Variants in VWCE observed in about 807,000 individuals in gnomAD.
The protein encoded by VWCE is von Willebrand factor C and EGF domains.
In VWCE, 68 loss-of-function variants were observed where a neutral mutation model predicts 102.9. The observed-to-expected ratio is 0.66, with a 90% CI of 0.54 to 0.81. The LOEUF (loss-of-function observed/expected upper bound fraction) is 0.81, where lower values mean the gene tolerates loss of function less well. Ranked by LOEUF, VWCE falls within the 30% of genes least tolerant of loss-of-function variation. The probability of loss-of-function intolerance (pLI) is 0.00; values close to 1 mark genes in which losing one functional copy is unlikely to be tolerated. For missense variants in VWCE, 1,137 were observed against 1,263.6 expected (o/e 0.90, Z 1.52); for synonymous variants, 497 against 515.4 (o/e 0.96, Z 0.48).
In VWCE at chr11:61,290,474, T is replaced by G. The variant is rs117115680; in HGVS notation, c.424+325A>C. Among the ~76,000 whole-genome samples, 495 of 149,696 alleles carry G rather than the reference T, an allele frequency of 3.3e-3. 1 individual carries two copies. Among genetic ancestry groups the G allele is most frequent in the Middle Eastern group, 0.014 (4 of 288 alleles). ...CTGCAGTGAGCTGAGACCATGCTAC[T>G]TCACTCCAGCCTGGGCAAAAGAGTG... On this transcript the variant is annotated intron_variant, in intron 4 of 19. Transcript: ENST00000335613.
chr11:61,258,462 G>C lies in VWCE; in HGVS notation c.*213C>G, dbSNP rs774947056. 1.3e-4 allele frequency: 60 copies of C among 458,940 alleles called. No individual in the cohort carries two copies. Among genetic ancestry groups the C allele is most frequent in the Non-Finnish European group, 2.0e-4 (58 of 285,430 alleles). 28.4% of individuals were successfully genotyped at this position (458,940 alleles called of 1,614,324 possible). Reference sequence around the variant, plus strand: ...ACGCGGTCCAGGGAGGATGCTGACAGTGGAAACGACTTCCTCCATTCTTAC... The same window carrying C: ...ACGCGGTCCAGGGAGGATGCTGACACTGGAAACGACTTCCTCCATTCTTAC... On this transcript the variant is annotated 3_prime_UTR_variant, in exon 20 of 20. Coordinates refer to ENST00000335613, the MANE Select transcript of VWCE (RefSeq NM_152718.2).
intron 4 of VWCE, 97 bp downstream of exon 4, chr11:61,290,702 G>C (rs1855473784): frequency 4.9e-6 from 7 of 1,415,232 alleles, no homozygotes; most frequent in Non-Finnish European, 6.6e-6. Context: ...GCTCAGCTTA[G>C]CCTTGCAATA....
intron 7 of VWCE, 83 bp downstream of exon 7, chr11:61,281,703 G>A: frequency 6.8e-7 from 1 of 1,480,548 alleles, no homozygotes; most frequent in South Asian, 1.4e-5. Flanking sequence ...TGACGGGGAG[G>A]GGCCAGGCTA....
intron 9 of VWCE, 54 bp downstream of exon 9, chr11:61,280,570 G>A (rs1172154407): frequency 1.3e-6 from 2 of 1,567,414 alleles, no homozygotes; most frequent in African/African-American, 2.7e-5. Flanking sequence ...GCTGCAGGAG[G>A]GTGCAGAGAA....
At position 61,285,538 on chromosome 11, in the gene VWCE, G is replaced by A. The variant is rs76270057; in HGVS notation, c.541+776C>T. Among the ~76,000 whole-genome samples the A allele has an allele frequency of 6.9e-3, 1,044 of 152,174 alleles. 5 individuals are homozygous for A. Among genetic ancestry groups the A allele is most frequent in the Middle Eastern group, 0.027 (8 of 294 alleles). On this transcript the variant is annotated intron_variant, in intron 5 of 19. Transcript: ENST00000335613. ...CTCCCCAGGGTAGCTCCAGAGCCTG[G>A]GCCAGCAGTGGGGCAGGTGAAACTG...
At position 61,267,528 on chromosome 11, in the gene VWCE, G is replaced by T. The variant is rs1308259193; in HGVS notation, c.1899C>A (p.Gly633=). The change falls in exon 16 of 20, where the codon GGC becomes GGA. Residue 633 remains glycine (G), a synonymous_variant. Transcript: ENST00000335613. The part of the protein sequence containing the change: ...PDCSAGCTYT[G]RIFYNNETFP... Reference sequence around the variant, plus strand: ...AGGTCTCGTTGTTATAGAAGATTCTGCCTGTGTAGGTGCAGCCTGCCAGAG... The same window carrying T: ...AGGTCTCGTTGTTATAGAAGATTCTTCCTGTGTAGGTGCAGCCTGCCAGAG... 1.2e-6 allele frequency: 2 copies of T among 1,614,052 alleles called. No individual in the cohort carries two copies. The highest frequency in any genetic ancestry group is 1.7e-6 in the Non-Finnish European group (2 of 1,180,038).
At chr11:61,286,879 C>T (rs1301802144) in intron 4 of VWCE, among the ~76,000 whole-genome samples, 1 of 152,002 alleles carries the variant, frequency 6.6e-6, no homozygotes, top group Non-Finnish European at 1.5e-5. Context: ...GGGCAGATCA[C>T]GAGGTCAGGA....
At position 61,290,902 on chromosome 11, in the gene VWCE, G is replaced by A. The variant is rs368892269; in HGVS notation, c.321C>T (p.Tyr107=). 2.2e-5 allele frequency: 35 copies of A among 1,613,738 alleles called. No homozygotes were observed. The highest frequency in any genetic ancestry group is 8.0e-5 in the African/African-American group (6 of 74,978). The part of the protein sequence containing the change: ...CPETHGPCGE[Y]GCDLTCNHGG... Reference sequence around the variant, plus strand: ...CATGGTTGCAGGTAAGGTCACAGCCGTACTCCCCACATGGTCCATGGGTTT... The same window carrying A: ...CATGGTTGCAGGTAAGGTCACAGCCATACTCCCCACATGGTCCATGGGTTT... The change falls in exon 4 of 20, where the codon TAC becomes TAT. Residue 107 remains tyrosine (Y), a synonymous_variant. Coordinates refer to ENST00000335613, the MANE Select transcript of VWCE (RefSeq NM_152718.2).
chr11:61,274,278 C>G lies in VWCE; in HGVS notation c.1581+221G>C, dbSNP rs1325577521. Among the ~76,000 whole-genome samples the G allele has an allele frequency of 2.0e-5, 3 of 152,154 alleles. No homozygotes were observed. In the East Asian group the frequency reaches 5.8e-4, roughly 29 times the overall value. On this transcript the variant is annotated intron_variant, in intron 12 of 19. Transcript: ENST00000335613. ...GGCTTCCTTGTGCTTAGCTGTGTCC[C>G]CAGCACACAGTAGGTGCTCTGTAAA...
intron 4 of VWCE, among the ~76,000 whole-genome samples, chr11:61,287,885 G>A (rs1219642349): frequency 6.6e-6 from 1 of 152,158 alleles, no homozygotes; most frequent in Non-Finnish European, 1.5e-5. Flanking sequence ...GCCAGGCGCA[G>A]TGGCTCACGC....
At position 61,267,663 on chromosome 11, in the gene VWCE, G is replaced by A. The variant is rs1054734501; in HGVS notation, c.1883-119C>T. 5 of 859,896 alleles carry A rather than the reference G, an allele frequency of 5.8e-6. No individual in the cohort carries two copies. In the African/African-American group the frequency reaches 8.4e-5, roughly 14 times the overall value. 53.3% of individuals were successfully genotyped at this position (859,896 alleles called of 1,614,324 possible). ...AAGGGGAGGCCATGTGCCTCCCCAG[G>A]CAGTCACCCTGGGAGTTAGGGAAGG... On this transcript the variant is annotated intron_variant, in intron 15 of 19. Transcript: ENST00000335613.
In VWCE at chr11:61,277,233, G is replaced by A. The variant is rs941086239; in HGVS notation, c.1408-553C>T. ...TTCATGTAGCACACAGGAAGAGTTC[G>A]ATAAGGGGTGCTGGTGGTTGTCTGC... is the stretch of plus-strand genomic sequence containing the variant. On this transcript the variant is annotated intron_variant, in intron 10 of 19. Coordinates refer to ENST00000335613, the MANE Select transcript of VWCE (RefSeq NM_152718.2). Among the ~76,000 whole-genome samples, 28 of 152,086 alleles carry A rather than the reference G, an allele frequency of 1.8e-4. 1 individual carries two copies. The highest frequency in any genetic ancestry group is 4.2e-4 in the South Asian group (2 of 4,800).
At chr11:61,266,074 T>C (rs993775360) in intron 16 of VWCE, among the ~76,000 whole-genome samples, 4 of 151,174 alleles carry the variant, frequency 2.6e-5, no homozygotes, top group African/African-American at 9.7e-5. Context: ...AAAATAATTA[T>C]TTTTTTCATC....
intron 19 of VWCE, 143 bp from the exon 20 acceptor site, chr11:61,259,455 C>T (rs1476988246): frequency 1.1e-5 from 12 of 1,092,126 alleles, no homozygotes; most frequent in Middle Eastern, 3.1e-4. Context: ...CAGCTCCTGC[C>T]TCCAGGAAGG....
intron 9 of VWCE, among the ~76,000 whole-genome samples, chr11:61,278,931 C>T (rs931262387): frequency 2.0e-5 from 3 of 151,962 alleles, no homozygotes; most frequent in African/African-American, 2.4e-5. Flanking sequence ...CCCAGCTACT[C>T]GGGAGGCTGA....
chr11:61,286,179 T>C, intron 5 of VWCE, 135 bp downstream of exon 5: 3 of 863,132 alleles, frequency 3.5e-6, no homozygotes, highest in Non-Finnish European at 5.6e-6. Context: ...TAATAGCATC[T>C]CCCTCCGAAG....
In VWCE at chr11:61,282,834, A is replaced by G. The variant is rs767282256; in HGVS notation, c.613T>C (p.Cys205Arg). The stretch of plus-strand genomic sequence containing the variant: ...CCATGAAGGTGGAAGCCAGTTCGAC[A>G]GGAACACTTGTAGCTGCCAATGCTG... ...KNSIGSYKCS[C>R]RTGFHLHGNR... The change falls in exon 6 of 20, where the codon TGT becomes CGT. Residue 205 changes from cysteine (C) to arginine (R), a missense_variant. By Grantham distance (180) the Cys-to-Arg change is radical (BLOSUM62 -3). Transcript: ENST00000335613. 1 of 1,614,120 alleles carries G rather than the reference A, an allele frequency of 6.2e-7. No homozygotes were observed. Among genetic ancestry groups the G allele is most frequent in the Non-Finnish European group, 8.5e-7 (1 of 1,180,040 alleles).
chr11:61,283,181 C>T (rs983937133), intron 5 of VWCE, among the ~76,000 whole-genome samples: 5 of 152,188 alleles, frequency 3.3e-5, no homozygotes, highest in Admixed American at 6.5e-5. Flanking sequence ...TACCTAGGTT[C>T]CTTCAAGCCA....
In VWCE at chr11:61,280,911, G is replaced by A; in HGVS notation, c.1112C>T (p.Pro371Leu). 2 of 1,527,678 alleles carry A rather than the reference G, an allele frequency of 1.3e-6. No individual in the cohort carries two copies. The highest frequency in any genetic ancestry group is 1.8e-4 in the Middle Eastern group (1 of 5,650). The allele number at this position is 1,527,678 out of a possible 1,614,324, so 94.6% of individuals were successfully genotyped here. A position where few individuals can be genotyped will look rare whatever the true frequency, so the allele number is the denominator to read the frequency against. Residue 371 changes from proline to leucine, a missense_variant, in exon 8 of 20, where the codon CCC (proline) becomes CTC (leucine). Physicochemically the swap from Pro to Leu is moderately conservative, Grantham distance 98. Around this residue, in one of 5 missense-constraint regions of VWCE, gnomAD observed 575 missense variants for 625.9 expected, o/e 0.92. Coordinates refer to ENST00000335613, the MANE Select transcript of VWCE (RefSeq NM_152718.2). ...CAGTCGGGGGGACTCAGGGCCCCTG[G>A]GTGAGGAAGGGGTCCCCATCACCTC... is the stretch of plus-strand genomic sequence containing the variant. ...QGEVMGTPSS[P>L]RGPESPRLAA...
Sources: allele counts gnomAD v4.1 joint callset (sites outside exome capture counted in the v4.1 genomes callset), GRCh38; gene constraint gnomAD v4.1.1; regional missense constraint gnomAD v4.1.1; transcripts MANE v1.5; gene names NCBI Gene and HGNC (gene_info 2026-07-23, HGNC 2026-07-21).